The following TENM4 variants were observed in gnomAD, a reference collection of about 807,000 sequenced individuals.
The protein encoded by TENM4 is teneurin transmembrane protein 4, also known as teneurin-4.
A neutral mutation model predicts 243.3 loss-of-function variants in TENM4; 82 were observed. That is an observed-to-expected ratio of 0.34 (90% CI 0.28 to 0.40). The LOEUF is 0.40. Among genes scored for constraint, TENM4 ranks in the 10% least tolerant of loss-of-function variants. TENM4 has a pLI of 1.00. For synonymous variants in TENM4, 1,412 were observed against 1,456.3 expected (o/e 0.97, Z 0.69); for missense variants, 3,138 against 3,673.3 (o/e 0.85, Z 3.77).
rs1005499465 is a variant in TENM4, at chr11:79,215,691, T to C, written c.-163+117A>G. Reference sequence around the variant, plus strand: ...CTCCTCTACTTTCTATGCTGCCAAGTCGTAAAAGCCTCCAACCAAAAAACA... The same window carrying C: ...CTCCTCTACTTTCTATGCTGCCAAGCCGTAAAAGCCTCCAACCAAAAAACA... On this transcript the variant is annotated intron_variant, in intron 3 of 33. Transcript: ENST00000278550. 3.3e-6 allele frequency: 3 copies of C among 900,430 alleles called. No homozygotes were observed. In the African/African-American group the frequency reaches 5.4e-5, roughly 16 times the overall value. 55.8% of individuals were successfully genotyped at this position (900,430 alleles called of 1,614,324 possible).
chr11:79,411,012 G>T (rs1858689210), intron 1 of TENM4, among the ~76,000 whole-genome samples: 1 of 151,980 alleles, frequency 6.6e-6, no homozygotes, highest in Admixed American at 6.6e-5. Context: ...CTCATTACAG[G>T]GCCAGCACCC....
At chr11:78,971,321 C>T (rs899215362) in intron 6 of TENM4, among the ~76,000 whole-genome samples, 2 of 152,174 alleles carry the variant, frequency 1.3e-5, no homozygotes, top group African/African-American at 4.8e-5. Context: ...TTTGTTTTTA[C>T]AGACGGAGTC....
Position 78,676,326 on chromosome 11 carries a change from G to T in TENM4, c.5322C>A (p.Asn1774Lys). Residue 1774 changes from asparagine to lysine, a missense_variant, in exon 30 of 34, where the codon AAC becomes AAA. By Grantham distance (94) the Asn-to-Lys change is moderately conservative (BLOSUM62 0). This residue lies in a region of TENM4 where 2,467 missense variants were observed against 3,059.1 expected (regional missense o/e 0.81). Transcript: ENST00000278550. ...ADGSLRLLLA[N>K]GMEVALQTEP... Reference sequence around the variant, plus strand: ...CAGTCTGCAGCGCCACCTCCATGCCGTTGGCCAGCAGCAGCCGCAAGGAGC... The same window carrying T: ...CAGTCTGCAGCGCCACCTCCATGCCTTTGGCCAGCAGCAGCCGCAAGGAGC... The T allele has an allele frequency of 6.2e-7, 1 of 1,610,898 alleles. No homozygotes were observed. Among genetic ancestry groups the T allele is most frequent in the South Asian group, 1.1e-5 (1 of 91,032 alleles).
chr11:79,259,387 C>T (rs997889327), intron 2 of TENM4, among the ~76,000 whole-genome samples: 5 of 152,110 alleles, frequency 3.3e-5, no homozygotes, highest in African/African-American at 9.7e-5. Context: ...ATTGGACATA[C>T]ATCAATGAAA....
chr11:79,220,366 G>C (rs975139672), intron 2 of TENM4, among the ~76,000 whole-genome samples: 7 of 152,244 alleles, frequency 4.6e-5, no homozygotes, highest in African/African-American at 1.7e-4. Context: ...AGTGGCAAGA[G>C]GTGGAGCTTT....
intron 9 of TENM4, among the ~76,000 whole-genome samples, chr11:78,867,820 A>G (rs1467171829): frequency 6.6e-6 from 1 of 152,212 alleles, no homozygotes; most frequent in Non-Finnish European, 1.5e-5. Context: ...GTTACTGGAG[A>G]CCACAGAGCT....
intron 1 of TENM4, among the ~76,000 whole-genome samples, chr11:79,393,823 C>A (rs754760285): frequency 3.7e-4 from 57 of 152,180 alleles, no homozygotes; most frequent in Non-Finnish European, 7.1e-4. Flanking sequence ...CAGCAGGAGT[C>A]TGGACTTTGC....
At chr11:78,986,477 T>C (rs549294480) in intron 6 of TENM4, among the ~76,000 whole-genome samples, 1 of 152,332 alleles carries the variant, frequency 6.6e-6, no homozygotes, top group South Asian at 2.1e-4. Context: ...GCCCAGGTTC[T>C]CTGACCCCTG....
intron 14 of TENM4, among the ~76,000 whole-genome samples, chr11:78,807,622 T>C (rs1391477082): frequency 6.6e-6 from 1 of 152,194 alleles, no homozygotes; most frequent in Non-Finnish European, 1.5e-5. Context: ...TAGGTCTATC[T>C]TTCTCTTTAG....
intron 7 of TENM4, among the ~76,000 whole-genome samples, chr11:78,901,910 T>C (rs576129501): frequency 6.6e-6 from 1 of 152,242 alleles, no homozygotes; most frequent in East Asian, 1.9e-4. Flanking sequence ...TCTACAGGAG[T>C]AAAGTGGTAC....
intron 4 of TENM4, among the ~76,000 whole-genome samples, chr11:79,130,031 G>A (rs530057964): frequency 6.6e-6 from 1 of 152,216 alleles, no homozygotes; most frequent in African/African-American, 2.4e-5. Context: ...ATACACCACT[G>A]AGAGACCCAT....
rs1231182496 is a variant in TENM4 at position 79,139,777 on chromosome 11, A to AATATATATATTTTATAT, written c.-66+8932_-66+8933insATATAAAATATATATAT. On this transcript the variant is annotated intron_variant, in intron 4 of 33. Transcript: ENST00000278550. Reference sequence around the variant, plus strand: ...ATATATTATATTTATATAAATATATAATATATATTATATTTATATAAATAT... The same window carrying AATATATATATTTTATAT: ...ATATATTATATTTATATAAATATATAATATATATATTTTATATATATATATTATATTTATATAAATAT... Among the ~76,000 whole-genome samples the AATATATATATTTTATAT allele has an allele frequency of 2.2e-4, 6 of 26,796 alleles. 2 individuals carry two copies. Among genetic ancestry groups the AATATATATATTTTATAT allele is most frequent in the Non-Finnish European group, 3.7e-4 (6 of 16,310 alleles). 17.6% of individuals were successfully genotyped at this position (26,796 alleles called of 152,430 possible).
intron 3 of TENM4, among the ~76,000 whole-genome samples, chr11:79,177,781 G>A (rs755303992): frequency 6.6e-6 from 1 of 152,302 alleles, no homozygotes; most frequent in East Asian, 1.9e-4. Context: ...CAAGGAGGCA[G>A]GTGTGGCTAG....
chr11:78,685,321 C>T (rs777486626), intron 29 of TENM4, among the ~76,000 whole-genome samples: 1 of 152,188 alleles, frequency 6.6e-6, no homozygotes, highest in Non-Finnish European at 1.5e-5. Flanking sequence ...TTACTTTCCA[C>T]AGTTTAAACA....
chr11:78,991,751 C>T (rs571030175), intron 6 of TENM4, among the ~76,000 whole-genome samples: 20 of 152,282 alleles, frequency 1.3e-4, no homozygotes, highest in African/African-American at 4.3e-4. Flanking sequence ...ACCCATGCTA[C>T]TTTGGTAGGG....
chr11:78,686,115 A>G (rs548362557), intron 29 of TENM4, among the ~76,000 whole-genome samples: 1 of 152,328 alleles, frequency 6.6e-6, no homozygotes, highest in East Asian at 1.9e-4. Flanking sequence ...ACCCTGGAGG[A>G]AGGAATGAGT....
At chr11:78,766,950 C>T (rs762105417) in intron 18 of TENM4, among the ~76,000 whole-genome samples, 4 of 152,088 alleles carry the variant, frequency 2.6e-5, no homozygotes, top group East Asian at 3.9e-4. Context: ...GTGATCCACC[C>T]GCCTCAGCCT....
At chr11:79,164,652 A>T (rs1039996631) in intron 3 of TENM4, among the ~76,000 whole-genome samples, 3 of 148,980 alleles carry the variant, frequency 2.0e-5, no homozygotes, top group Non-Finnish European at 4.4e-5. Context: ...TGTATCTCCC[A>T]GAATTCCCGT....
At chr11:78,783,619 C>A (rs1464655983) in intron 16 of TENM4, among the ~76,000 whole-genome samples, 1 of 152,130 alleles carries the variant, frequency 6.6e-6, no homozygotes, top group Non-Finnish European at 1.5e-5. Flanking sequence ...GTGCTTTTAC[C>A]AAAGACCCTT....
Sources: allele counts gnomAD v4.1 joint callset (sites outside exome capture counted in the v4.1 genomes callset), GRCh38; gene constraint gnomAD v4.1.1; regional missense constraint gnomAD v4.1.1; transcripts MANE v1.5; gene names NCBI Gene and HGNC (gene_info 2026-07-23, HGNC 2026-07-21).